The following ALK variants were observed in gnomAD, a reference collection of about 807,000 sequenced individuals.
ALK encodes ALK receptor tyrosine kinase.
Under a neutral mutation model 163.1 loss-of-function variants are expected in ALK, and 74 were observed. That is an observed-to-expected ratio of 0.45 (90% CI 0.38 to 0.55). ALK has a LOEUF of 0.55. Among genes scored for constraint, ALK ranks in the 20% least tolerant of loss-of-function variants. The pLI is 0.00. For missense variants in ALK, 2,063 were observed against 2,105.3 expected, an observed-to-expected ratio of 0.98 and a Z score of 0.39; for synonymous variants, 960 against 843.2, an observed-to-expected ratio of 1.14 and a Z score of -2.40.
chr2:29,311,789 C>A (rs1251691328), intron 8 of ALK, among the ~76,000 whole-genome samples: 1 of 152,076 alleles, frequency 6.6e-6, no homozygotes, highest in African/African-American at 2.4e-5. Flanking sequence ...ATATCATCTT[C>A]TCTGGGGGAT....
At chr2:29,457,170 T>C (rs561209358) in intron 4 of ALK, among the ~76,000 whole-genome samples, 2 of 152,204 alleles carry the variant, frequency 1.3e-5, no homozygotes, top group South Asian at 4.2e-4. Context: ...GAAGGGAGTA[T>C]CCTTCCTTAC....
At chr2:29,827,966 G>C (rs1216597662) in intron 1 of ALK, among the ~76,000 whole-genome samples, 1 of 152,168 alleles carries the variant, frequency 6.6e-6, no homozygotes, top group Non-Finnish European at 1.5e-5. Flanking sequence ...TACCAAAACA[G>C]AGATATAGAT....
At chr2:29,635,940 T>C (rs1214020811) in intron 3 of ALK, among the ~76,000 whole-genome samples, 1 of 152,090 alleles carries the variant, frequency 6.6e-6, no homozygotes, top group African/African-American at 2.4e-5. Flanking sequence ...CACATTTCTA[T>C]TGTTTTAAAT....
rs146487497 is a variant in ALK, at chr2:29,364,527, G to A, written c.1282+19205C>T. On this transcript the variant is annotated intron_variant, in intron 5 of 28. Coordinates refer to ENST00000389048, the MANE Select transcript of ALK (RefSeq NM_004304.5). ...AGGACACACCATCCTTGAGCATGGAGCCAACTATCCTTCCTTACATACATC... is the reference window on the plus strand; with the variant it reads ...AGGACACACCATCCTTGAGCATGGAACCAACTATCCTTCCTTACATACATC... 3.3e-5 allele frequency among the ~76,000 whole-genome samples: 5 copies of A among 152,306 alleles called. No homozygotes were observed. The East Asian group carries it at 7.7e-4, about 23-fold the overall frequency.
In ALK at chr2:29,787,476, C is replaced by T. The variant is rs1220429978; in HGVS notation, c.668-69779G>A. ...GCACTTACTGGACTCATACTACACA[C>T]ATCATGTATGTGAAGATAAACAATG... On this transcript the variant is annotated intron_variant, in intron 1 of 28. Transcript: ENST00000389048. Among the ~76,000 whole-genome samples, 4 of 152,220 alleles carry T rather than the reference C, an allele frequency of 2.6e-5. No homozygotes were observed. The East Asian group carries it at 5.8e-4, about 22-fold the overall frequency.
intron 16 of ALK, among the ~76,000 whole-genome samples, chr2:29,228,135 G>T (rs1664069544): frequency 6.6e-6 from 1 of 152,164 alleles, no homozygotes; most frequent in Non-Finnish European, 1.5e-5. Flanking sequence ...CTTTCATCTG[G>T]GGCTGGGCTA....
At chr2:29,730,106 C>G (rs190947698) in intron 1 of ALK, among the ~76,000 whole-genome samples, 1 of 152,212 alleles carries the variant, frequency 6.6e-6, no homozygotes, top group Non-Finnish European at 1.5e-5. Context: ...AACTCGGGAT[C>G]CCCTCGCCCC....
chr2:29,554,329 G>C (rs1334969059), intron 3 of ALK, among the ~76,000 whole-genome samples: 1 of 152,194 alleles, frequency 6.6e-6, no homozygotes, highest in African/African-American at 2.4e-5. Flanking sequence ...ATTAGAGCTA[G>C]AGAGAGAAAA....
chr2:29,548,916 C>T lies in ALK; in HGVS notation c.953-16800G>A, dbSNP rs115215651. On this transcript the variant is annotated intron_variant, in intron 3 of 28. Coordinates refer to ENST00000389048, the MANE Select transcript of ALK (RefSeq NM_004304.5). ...ATAAAACAAATCAATTTTTAAAATGCCTTGAAGTTTGGACTCTTAAGATCA... is the reference window on the plus strand; with the variant it reads ...ATAAAACAAATCAATTTTTAAAATGTCTTGAAGTTTGGACTCTTAAGATCA... 6.3e-3 allele frequency among the ~76,000 whole-genome samples: 956 copies of T among 152,098 alleles called. 11 individuals are homozygous for T. The highest frequency in any genetic ancestry group is 0.021 in the African/African-American group (862 of 41,470).
At chr2:29,830,049 A>G (rs933582159) in intron 1 of ALK, among the ~76,000 whole-genome samples, 1 of 152,236 alleles carries the variant, frequency 6.6e-6, no homozygotes, top group Non-Finnish European at 1.5e-5. Context: ...GCATGGAGCC[A>G]CTGGCTGCCG....
At chr2:29,723,573 C>T (rs969626772) in intron 1 of ALK, among the ~76,000 whole-genome samples, 3 of 152,210 alleles carry the variant, frequency 2.0e-5, no homozygotes, top group African/African-American at 4.8e-5. Flanking sequence ...ATGAAATCAG[C>T]GCCCTGGAGG....
At chr2:29,671,512 G>A (rs541276236) in intron 3 of ALK, among the ~76,000 whole-genome samples, 27 of 152,024 alleles carry the variant, frequency 1.8e-4, no homozygotes, top group Non-Finnish European at 3.5e-4. Flanking sequence ...GTGCATTAAG[G>A]GAAGGACAGA....
intron 4 of ALK, among the ~76,000 whole-genome samples, chr2:29,518,162 T>A (rs774469032): frequency 6.6e-6 from 1 of 152,170 alleles, no homozygotes; most frequent in Non-Finnish European, 1.5e-5. Flanking sequence ...CCATTTTAAA[T>A]AACGCATCTA....
At chr2:29,800,625 G>A (rs1664442509) in intron 1 of ALK, among the ~76,000 whole-genome samples, 1 of 152,138 alleles carries the variant, frequency 6.6e-6, no homozygotes, top group African/African-American at 2.4e-5. Context: ...TGTGGCAACA[G>A]GGAGGTTGCT....
chr2:29,233,789 A>ACT, intron 13 of ALK, 93 bp from the exon 14 acceptor site: 1 of 1,552,898 alleles, frequency 6.4e-7, no homozygotes, highest in Non-Finnish European at 8.9e-7. Context: ...ACAGGATCTG[A>ACT]CTCTCTCTCA....
rs984951289 is a variant in ALK, at chr2:29,320,871, C to T, written c.1426G>A (p.Val476Met). The T allele has an allele frequency of 6.2e-7, 1 of 1,614,220 alleles. No individual in the cohort carries two copies. Residue 476 changes from valine (V) to methionine (M), a missense_variant, in exon 7 of 29, where the codon GTG becomes ATG. This residue lies in a region of ALK where 987 missense variants were observed against 939.5 expected (regional missense o/e 1.05). Transcript: ENST00000389048. The part of the protein sequence containing the change: ...DESQMCRKLP[V>M]GFYCNFEDGF... ...TCTTCAAAGTTGCAGTAAAAACCCA[C>T]AGGCAGTTTCCCTATGGAGAGAGCA...
chr2:29,342,505 T>G (rs1183133924), intron 5 of ALK, among the ~76,000 whole-genome samples: 1 of 152,224 alleles, frequency 6.6e-6, no homozygotes, highest in East Asian at 1.9e-4. Flanking sequence ...AAAAAAGTTC[T>G]GAAAATTGGT....
At chr2:29,893,071 T>G (rs1253863497) in intron 1 of ALK, among the ~76,000 whole-genome samples, 1 of 152,162 alleles carries the variant, frequency 6.6e-6, no homozygotes, top group African/African-American at 2.4e-5. Flanking sequence ...GGGCCATCTA[T>G]TCTGGGCCAC....
At chr2:29,815,557 G>A (rs1280026912) in intron 1 of ALK, among the ~76,000 whole-genome samples, 1 of 152,184 alleles carries the variant, frequency 6.6e-6, no homozygotes. Context: ...CTCTCCTGCT[G>A]TTGGGCTGTA....
Sources: allele counts gnomAD v4.1 joint callset (sites outside exome capture counted in the v4.1 genomes callset), GRCh38; gene constraint gnomAD v4.1.1; regional missense constraint gnomAD v4.1.1; transcripts MANE v1.5; gene names NCBI Gene and HGNC (gene_info 2026-07-23, HGNC 2026-07-21).